TRAPPC9: variants seen among roughly 807,000 people sequenced by gnomAD.
The protein encoded by TRAPPC9 is trafficking protein particle complex subunit 9.
In TRAPPC9, 83 loss-of-function variants were observed where a neutral mutation model predicts 124.0. The observed-to-expected ratio is 0.67, with a 90% CI of 0.56 to 0.80. The LOEUF is 0.80. TRAPPC9 is among the 30% of genes least tolerant of loss of function. The pLI is 0.00. For synonymous variants in TRAPPC9, 638 were observed against 617.5 expected (o/e 1.03, Z -0.49); for missense variants, 1,302 against 1,508.3 (o/e 0.86, Z 2.27).
At chr8:140,373,692 C>A (rs926206500) in intron 7 of TRAPPC9, among the ~76,000 whole-genome samples, 1 of 151,634 alleles carries the variant, frequency 6.6e-6, no homozygotes, top group Non-Finnish European at 1.5e-5. Flanking sequence ...GAGGATATCA[C>A]CTGCTCACCA....
At chr8:140,320,724 G>A (rs2066569993) in intron 9 of TRAPPC9, among the ~76,000 whole-genome samples, 1 of 152,180 alleles carries the variant, frequency 6.6e-6, no homozygotes, top group Admixed American at 6.5e-5. Flanking sequence ...CGGTGTCATT[G>A]TTATCCCCAT....
intron 11 of TRAPPC9, among the ~76,000 whole-genome samples, chr8:140,298,061 G>C (rs2065863832): frequency 6.6e-6 from 1 of 152,144 alleles, no homozygotes; most frequent in South Asian, 2.1e-4. Flanking sequence ...CTGTAAAAGG[G>C]AGATAAAAAT....
intron 6 of TRAPPC9, among the ~76,000 whole-genome samples, chr8:140,404,131 T>C (rs146695628): frequency 6.6e-6 from 1 of 152,230 alleles, no homozygotes; most frequent in Admixed American, 6.5e-5. Context: ...GTGAAATAAA[T>C]AATTCTACAT....
intron 7 of TRAPPC9, among the ~76,000 whole-genome samples, chr8:140,382,280 T>TGGACAGTGGGTGCA (rs911124843): frequency 6.6e-6 from 1 of 152,162 alleles, no homozygotes; most frequent in Non-Finnish European, 1.5e-5. Flanking sequence ...TGGGGCTTGT[T>TGGACAGTGGGTGCA]GGACAGTGGG....
intron 21 of TRAPPC9, among the ~76,000 whole-genome samples, chr8:139,782,508 C>A (rs1046015856): frequency 2.0e-5 from 3 of 152,116 alleles, no homozygotes; most frequent in Non-Finnish European, 1.5e-5. Flanking sequence ...GTCAATTCCT[C>A]AAAAAATACA....
At chr8:140,199,305 G>C (rs1293932973) in intron 17 of TRAPPC9, among the ~76,000 whole-genome samples, 2 of 152,184 alleles carry the variant, frequency 1.3e-5, no homozygotes, top group Non-Finnish European at 2.9e-5. Flanking sequence ...ACTGTGAGTA[G>C]CAAGAGTGTG....
At chr8:140,407,246 T>C (rs926940749) in intron 5 of TRAPPC9, among the ~76,000 whole-genome samples, 7 of 152,250 alleles carry the variant, frequency 4.6e-5, no homozygotes, top group Non-Finnish European at 8.8e-5. Flanking sequence ...CTTGGGCCTA[T>C]GTTCTTAACG....
chr8:140,354,628 C>T (rs1281079867), intron 9 of TRAPPC9, among the ~76,000 whole-genome samples: 1 of 152,220 alleles, frequency 6.6e-6, no homozygotes, highest in Admixed American at 6.5e-5. Flanking sequence ...CTCTTCAACC[C>T]TGGGGTCACG....
chr8:139,971,970 C>T (rs1195707541), intron 19 of TRAPPC9, among the ~76,000 whole-genome samples: 3 of 151,888 alleles, frequency 2.0e-5, no homozygotes, highest in African/African-American at 2.4e-5. Flanking sequence ...TACAGGCACG[C>T]GCCACCATGC....
At chr8:139,858,220 CAAAG>C (rs1369443512) in intron 21 of TRAPPC9, among the ~76,000 whole-genome samples, 2 of 152,238 alleles carry the variant, frequency 1.3e-5, no homozygotes, top group African/African-American at 4.8e-5. Context: ...ACAACAACAA[CAAAG>C]AAAGAGTCAA....
At chr8:139,836,580 G>A (rs1439779554) in intron 21 of TRAPPC9, among the ~76,000 whole-genome samples, 1 of 152,202 alleles carries the variant, frequency 6.6e-6, no homozygotes, top group Non-Finnish European at 1.5e-5. Flanking sequence ...GCCACACGGG[G>A]CAACTGAGGG....
rs540678924 is a variant in TRAPPC9 at position 140,336,606 on chromosome 8, A to G, written c.1495+23444T>C. The stretch of plus-strand genomic sequence containing the variant: ...TCCCTGTCTACTCTGACACTGATGG[A>G]TGGCAAACTTTTAACACATTTTCTT... On this transcript the variant is annotated intron_variant, in intron 9 of 22. Transcript: ENST00000438773. 1.1e-4 allele frequency among the ~76,000 whole-genome samples: 16 copies of G among 152,310 alleles called. No individual in the cohort carries two copies. The South Asian group carries it at 1.4e-3, about 14-fold the overall frequency.
chr8:140,038,732 G>T (rs535624912), intron 17 of TRAPPC9, among the ~76,000 whole-genome samples: 44 of 152,320 alleles, frequency 2.9e-4, no homozygotes, highest in Non-Finnish European at 5.6e-4. Context: ...AGGCAGCTGA[G>T]CACAGAGGTC....
Position 140,414,287 on chromosome 8 carries a change from A to G in TRAPPC9, c.887-8589T>C, listed in dbSNP as rs190309306. Among the ~76,000 whole-genome samples, 332 of 152,330 alleles carry G rather than the reference A, an allele frequency of 2.2e-3. 2 individuals are homozygous for G. The highest frequency in any genetic ancestry group is 7.8e-3 in the African/African-American group (323 of 41,578). On this transcript the variant is annotated intron_variant, in intron 5 of 22. Coordinates refer to ENST00000438773, the MANE Select transcript of TRAPPC9 (RefSeq NM_001160372.4). ...AGTGACTTACACCAAAAATCCCAGC[A>G]CTTTGGGAGGCTAAGGCAGGAAGAT...
intron 19 of TRAPPC9, among the ~76,000 whole-genome samples, chr8:139,965,083 T>G (rs1835612108): frequency 6.7e-6 from 1 of 150,056 alleles, no homozygotes; most frequent in African/African-American, 2.4e-5. Context: ...TGGACTGGCC[T>G]GTCTTCGTCC....
intron 2 of TRAPPC9, among the ~76,000 whole-genome samples, chr8:140,445,769 G>T (rs192045438): frequency 2.6e-5 from 4 of 152,214 alleles, no homozygotes; most frequent in Admixed American, 6.5e-5. Flanking sequence ...AGCAAATGAA[G>T]AAAGAAAGTG....
At chr8:140,368,529 G>A (rs1475283099) in intron 8 of TRAPPC9, among the ~76,000 whole-genome samples, 1 of 152,168 alleles carries the variant, frequency 6.6e-6, no homozygotes, top group Non-Finnish European at 1.5e-5. Flanking sequence ...GGACTTGGGG[G>A]ATTTTCAACC....
At chr8:140,332,790 T>C (rs2066928147) in intron 9 of TRAPPC9, among the ~76,000 whole-genome samples, 1 of 152,154 alleles carries the variant, frequency 6.6e-6, no homozygotes, top group South Asian at 2.1e-4. Flanking sequence ...AAATGTTATG[T>C]CACATGGAAA....
chr8:140,186,679 G>A (rs973308158), intron 17 of TRAPPC9, among the ~76,000 whole-genome samples: 1 of 152,140 alleles, frequency 6.6e-6, no homozygotes, highest in East Asian at 1.9e-4. Context: ...CACCAAATAC[G>A]AGGTTTCTGC....
Sources: allele counts gnomAD v4.1 joint callset (sites outside exome capture counted in the v4.1 genomes callset), GRCh38; gene constraint gnomAD v4.1.1; transcripts MANE v1.5; gene names NCBI Gene and HGNC (gene_info 2026-07-23, HGNC 2026-07-21).